C2orf80: variants seen among roughly 807,000 people sequenced by gnomAD.
The protein encoded by C2orf80 is uncharacterized protein C2orf80.
Under a neutral mutation model 30.2 loss-of-function variants are expected in C2orf80, and 28 were observed. The observed-to-expected ratio is 0.93, with a 90% CI of 0.69 to 1.27. The LOEUF is 1.27. C2orf80 is among the 50% of genes most tolerant of loss of function. The pLI, the probability that C2orf80 is intolerant of heterozygous loss-of-function variation, is 0.00. For missense variants in C2orf80, 220 were observed against 231.0 expected (o/e 0.95, Z 0.31); for synonymous variants, 80 against 76.4 (o/e 1.05, Z -0.24).
intron 1 of C2orf80, among the ~76,000 whole-genome samples, chr2:208,189,139 A>C (rs555560619): frequency 6.6e-6 from 1 of 152,318 alleles, no homozygotes; most frequent in South Asian, 2.1e-4. Flanking sequence ...GTTTGGAAAA[A>C]CATTTGTTGC....
At chr2:208,183,256 T>C (rs1241157720) in intron 3 of C2orf80, among the ~76,000 whole-genome samples, 1 of 151,094 alleles carries the variant, frequency 6.6e-6, no homozygotes, top group African/African-American at 2.4e-5. Context: ...CAGCCAGAAA[T>C]ATTTTGGGAT....
intron 1 of C2orf80, among the ~76,000 whole-genome samples, chr2:208,189,191 G>T (rs1319077694): frequency 1.3e-5 from 2 of 152,166 alleles, no homozygotes; most frequent in African/African-American, 2.4e-5. Context: ...AGGGAGTAAG[G>T]CACAGTTAGC....
At chr2:208,178,400 G>A (rs1696435596) in intron 6 of C2orf80, among the ~76,000 whole-genome samples, 1 of 152,114 alleles carries the variant, frequency 6.6e-6, no homozygotes, top group South Asian at 2.1e-4. Context: ...TATGTGCTGA[G>A]GGGTAGGGGA....
At chr2:208,176,916 T>TATGTATACAG (rs1696329890) in intron 6 of C2orf80, among the ~76,000 whole-genome samples, 1 of 85,582 alleles carries the variant, frequency 1.2e-5, no homozygotes, top group East Asian at 2.1e-4. Context: ...TGTGTATACA[T>TATGTATACAG]ATCTGTATAC....
intron 7 of C2orf80, 21 bp from the exon 8 acceptor site, chr2:208,171,084 C>A: frequency 1.3e-6 from 2 of 1,512,864 alleles, no homozygotes; most frequent in Non-Finnish European, 1.8e-6. Flanking sequence ...ATGCAGTAAC[C>A]ATATCTGTAT....
At chr2:208,169,029 T>C (rs1010778460) in intron 8 of C2orf80, among the ~76,000 whole-genome samples, 69 of 151,928 alleles carry the variant, frequency 4.5e-4, no homozygotes, top group African/African-American at 1.5e-3. Context: ...TTTATATACA[T>C]GTGAGAAATA....
At chr2:208,171,134 T>C in intron 7 of C2orf80, 71 bp from the exon 8 acceptor site, 1 of 977,792 alleles carries the variant, frequency 1.0e-6, no homozygotes, top group Non-Finnish European at 1.6e-6. Context: ...AAAGTTTCAT[T>C]TAATTTCATT....
intron 3 of C2orf80, among the ~76,000 whole-genome samples, chr2:208,184,372 C>T (rs965506789): frequency 3.3e-5 from 5 of 152,134 alleles, no homozygotes; most frequent in African/African-American, 4.8e-5. Context: ...CTACTTTAGT[C>T]GGAGAAGAAG....
chr2:208,175,672 G>C (rs1194374343), intron 6 of C2orf80, among the ~76,000 whole-genome samples: 2 of 152,002 alleles, frequency 1.3e-5, no homozygotes, highest in Non-Finnish European at 2.9e-5. Context: ...TTGCTTAGGA[G>C]ACATTTTATC....
intron 6 of C2orf80, among the ~76,000 whole-genome samples, chr2:208,172,910 A>T (rs1696148445): frequency 6.6e-6 from 1 of 151,984 alleles, no homozygotes; most frequent in Admixed American, 6.6e-5. Flanking sequence ...TGAGGTCAGG[A>T]GTTCAAGACC....
At chr2:208,189,290 G>T (rs1478026670) in intron 1 of C2orf80, among the ~76,000 whole-genome samples, 6 of 152,136 alleles carry the variant, frequency 3.9e-5, no homozygotes, top group African/African-American at 1.4e-4. Context: ...TTGCTTCGTT[G>T]TTATGACAGC....
At chr2:208,184,592 T>G (rs1696660413) in intron 3 of C2orf80, among the ~76,000 whole-genome samples, 1 of 152,228 alleles carries the variant, frequency 6.6e-6, no homozygotes, top group South Asian at 2.1e-4. Flanking sequence ...TTTATTTGGT[T>G]TTCTCTCACT....
intron 8 of C2orf80, among the ~76,000 whole-genome samples, chr2:208,170,713 C>T (rs960775291): frequency 6.6e-6 from 1 of 152,136 alleles, no homozygotes; most frequent in African/African-American, 2.4e-5. Flanking sequence ...CAGTTAATCA[C>T]CCCAACAAGC....
At chr2:208,179,830 C>G (rs761963312) in intron 6 of C2orf80, among the ~76,000 whole-genome samples, 1 of 151,934 alleles carries the variant, frequency 6.6e-6, no homozygotes, top group Non-Finnish European at 1.5e-5. Context: ...GCTGCTTCTA[C>G]TGTTAATGAT....
intron 2 of C2orf80, among the ~76,000 whole-genome samples, chr2:208,185,465 T>G (rs1696690579): frequency 6.6e-6 from 1 of 152,208 alleles, no homozygotes; most frequent in Non-Finnish European, 1.5e-5. Flanking sequence ...GCCGTAAGGC[T>G]TTTTCTCTTT....
intron 8 of C2orf80, among the ~76,000 whole-genome samples, chr2:208,167,574 T>TTTTG (rs1204225008): frequency 2.0e-5 from 3 of 150,844 alleles, no homozygotes; most frequent in Non-Finnish European, 3.0e-5. Flanking sequence ...ACACTGAGGG[T>TTTTG]TTTGTTTGTT....
At position 208,180,779 on chromosome 2, in the gene C2orf80, C is replaced by T. The variant is rs779872308; in HGVS notation, c.332G>A (p.Gly111Glu). ...IPIEEVFKIYGADSSADSGTI... is the reference protein window; with the variant it reads ...IPIEEVFKIYEADSSADSGTI... The stretch of plus-strand genomic sequence containing the variant: ...ACCAGAATCGGCAGAAGAATCAGCC[C>T]CATAAATTTTAAAGACTTCCTCAAT... The change falls in exon 6 of 9, where the codon GGG (glycine) becomes GAG (glutamate). Residue 111 changes from glycine to glutamate, a missense_variant. Physicochemically the swap from Gly to Glu is moderately conservative, Grantham distance 98 (BLOSUM62 -2). Transcript: ENST00000341287. 9.3e-6 allele frequency: 15 copies of T among 1,613,516 alleles called. No individual in the cohort carries two copies. In the South Asian group the frequency reaches 1.3e-4, roughly 14 times the overall value.
chr2:208,181,799 G>T (rs6751646), intron 4 of C2orf80, among the ~76,000 whole-genome samples: 15,773 of 151,842 alleles, frequency 0.1, 900 homozygotes, highest in South Asian at 0.2. Context: ...GACACAATTG[G>T]GTGATTAAAA....
intron 6 of C2orf80, among the ~76,000 whole-genome samples, chr2:208,178,427 C>T (rs566838558): frequency 1.6e-4 from 24 of 151,970 alleles, no homozygotes; most frequent in African/African-American, 5.3e-4. Context: ...GAAAGGGCAG[C>T]CTAGAAGGGA....
Sources: allele counts gnomAD v4.1 joint callset (sites outside exome capture counted in the v4.1 genomes callset), GRCh38; gene constraint gnomAD v4.1.1; transcripts MANE v1.5; gene names NCBI Gene and HGNC (gene_info 2026-07-23, HGNC 2026-07-21).